ABLIM3: variants seen among roughly 807,000 people sequenced by gnomAD.
The protein encoded by ABLIM3 is actin binding LIM protein family member 3.
Under a neutral mutation model 109.5 loss-of-function variants are expected in ABLIM3, and 61 were observed. The observed-to-expected ratio is 0.56, with a 90% CI of 0.45 to 0.69. The LOEUF (loss-of-function observed/expected upper bound fraction) is 0.69, where lower values mean the gene tolerates loss of function less well. Among genes scored for constraint, ABLIM3 ranks in the 30% least tolerant of loss-of-function variants. ABLIM3 has a pLI of 0.00. For synonymous variants in ABLIM3, 300 were observed against 324.8 expected, an observed-to-expected ratio of 0.92 and a Z score of 0.82; for missense variants, 796 against 889.5, an observed-to-expected ratio of 0.89 and a Z score of 1.34.
In ABLIM3 at chr5:149,200,314, A is replaced by C; in HGVS notation, c.336-2A>C. ...TGAATTTCTCCCTCATCCCACTTGC[A>C]GGAAGCCTTTCCCCATTGGAGACAA... is the stretch of plus-strand genomic sequence containing the variant. On this transcript the variant is annotated splice_acceptor_variant, in intron 4 of 23. Transcript: ENST00000309868. LOFTEE classifies it high-confidence loss of function. 6.2e-7 allele frequency: 1 copy of C among 1,614,052 alleles called. No homozygotes were observed. The highest frequency in any genetic ancestry group is 8.5e-7 in the Non-Finnish European group (1 of 1,179,896).
At chr5:149,155,628 T>A (rs973893809) in intron 2 of ABLIM3, among the ~76,000 whole-genome samples, 2 of 152,304 alleles carry the variant, frequency 1.3e-5, no homozygotes, top group African/African-American at 4.8e-5. Flanking sequence ...GCAGTCTAGA[T>A]GGGCTTACTC....
intron 4 of ABLIM3, chr5:149,199,180 A>G (rs1758270779): frequency 4.4e-6 from 2 of 454,984 alleles, no homozygotes; most frequent in Admixed American, 4.7e-5. Flanking sequence ...AAAAATGAAG[A>G]AAGCTCAGCC....
chr5:149,244,476 A>G (rs1753157956), intron 15 of ABLIM3: 1 of 179,440 alleles, frequency 5.6e-6, no homozygotes, highest in South Asian at 1.5e-4. Context: ...AGGCTTCTAA[A>G]GGGCTAGGAA....
chr5:149,172,652 G>A (rs980610532), intron 2 of ABLIM3, among the ~76,000 whole-genome samples: 4 of 152,214 alleles, frequency 2.6e-5, no homozygotes, highest in Non-Finnish European at 5.9e-5. Context: ...AGCCCCCACA[G>A]ATAGGCCTCC....
chr5:149,209,243 G>A (rs1006273620), intron 6 of ABLIM3, among the ~76,000 whole-genome samples: 1 of 152,204 alleles, frequency 6.6e-6, no homozygotes, highest in South Asian at 2.1e-4. Context: ...CTCCTCTCAA[G>A]GAGGCCCAGC....
chr5:149,194,527 G>A (rs1757773362), intron 3 of ABLIM3, among the ~76,000 whole-genome samples: 1 of 152,206 alleles, frequency 6.6e-6, no homozygotes, highest in African/African-American at 2.4e-5. Context: ...ACTGCAAGTA[G>A]CTCAAATGCC....
At chr5:149,192,296 A>G (rs1757552812) in intron 3 of ABLIM3, among the ~76,000 whole-genome samples, 1 of 152,040 alleles carries the variant, frequency 6.6e-6, no homozygotes, top group African/African-American at 2.4e-5. Flanking sequence ...AGTAAAATCA[A>G]TAAGAAAATT....
intron 5 of ABLIM3, among the ~76,000 whole-genome samples, chr5:149,205,832 A>G (rs1271454239): frequency 2.0e-5 from 3 of 152,160 alleles, no homozygotes; most frequent in Non-Finnish European, 2.9e-5. Flanking sequence ...ACTGACTCAT[A>G]CAAACACTTC....
intron 8 of ABLIM3, chr5:149,217,414 T>C (rs1386259933): frequency 3.8e-6 from 1 of 260,720 alleles, no homozygotes; most frequent in African/African-American, 2.2e-5. Flanking sequence ...AAAGTGTCTA[T>C]AGCATCACAG....
At chr5:149,156,329 G>A (rs555486111) in intron 2 of ABLIM3, among the ~76,000 whole-genome samples, 74 of 152,262 alleles carry the variant, frequency 4.9e-4, no homozygotes, top group Admixed American at 9.8e-4. Flanking sequence ...ACCCCCAAAC[G>A]TCAGGTTCCT....
chr5:149,223,133 T>A (rs539396069), intron 8 of ABLIM3, among the ~76,000 whole-genome samples: 34 of 151,914 alleles, frequency 2.2e-4, no homozygotes, highest in South Asian at 2.1e-3. Context: ...TTTTTTTTTT[T>A]ATTTAGATTT....
In ABLIM3 at chr5:149,259,600, A is replaced by G; in HGVS notation, c.*1196A>G. The stretch of plus-strand genomic sequence containing the variant: ...AGATTCCAAAATGAAGTGTTGGCCA[A>G]CACCGCTCATGGCCATCCTGGATTT... On this transcript the variant is annotated 3_prime_UTR_variant, in exon 24 of 24. Transcript: ENST00000309868. 6.5e-7 allele frequency: 1 copy of G among 1,534,992 alleles called. No homozygotes were observed. Among genetic ancestry groups the G allele is most frequent in the Non-Finnish European group, 8.7e-7 (1 of 1,145,860 alleles).
At chr5:149,168,996 G>A (rs1755091526) in intron 2 of ABLIM3, among the ~76,000 whole-genome samples, 1 of 147,710 alleles carries the variant, frequency 6.8e-6, no homozygotes, top group African/African-American at 2.6e-5. Flanking sequence ...TTCTGAAGCA[G>A]GTGATACCAC....
chr5:149,199,560 A>G (rs1306450501), intron 4 of ABLIM3, among the ~76,000 whole-genome samples: 1 of 152,194 alleles, frequency 6.6e-6, no homozygotes, highest in Non-Finnish European at 1.5e-5. Context: ...TCTTTCTACC[A>G]AAAGCTAGTG....
At chr5:149,197,301 T>C (rs1758067257) in intron 3 of ABLIM3, among the ~76,000 whole-genome samples, 1 of 152,220 alleles carries the variant, frequency 6.6e-6, no homozygotes, top group South Asian at 2.1e-4. Context: ...TTCCTGCCTC[T>C]GTGCTTTGGC....
At chr5:149,210,406 A>G (rs2918282) in intron 6 of ABLIM3, among the ~76,000 whole-genome samples, 66,519 of 152,108 alleles carry the variant, frequency 0.44, 15,109 homozygotes, top group East Asian at 0.65. Context: ...CCCGGCGCAC[A>G]CCAGCAACAA....
chr5:149,143,178 C>A (rs1445094976), intron 2 of ABLIM3, among the ~76,000 whole-genome samples: 7 of 152,054 alleles, frequency 4.6e-5, no homozygotes, highest in African/African-American at 1.2e-4. Context: ...GCCTGACCAA[C>A]ATGATGAAAC....
rs528235713 is a variant in ABLIM3 at position 149,142,252 on chromosome 5, G to A, written c.13+144G>A. 16 of 1,174,948 alleles carry A rather than the reference G, an allele frequency of 1.4e-5. No individual in the cohort carries two copies. In the South Asian group the frequency reaches 1.4e-4, roughly 10 times the overall value. 72.8% of individuals were successfully genotyped at this position (1,174,948 alleles called of 1,614,324 possible). Reference sequence around the variant, plus strand: ...CCCAGGCTCTTTTTTGGTGCTTTCCGTGCTCCTTGGCAGAGGGATAGCTTC... The same window carrying A: ...CCCAGGCTCTTTTTTGGTGCTTTCCATGCTCCTTGGCAGAGGGATAGCTTC... On this transcript the variant is annotated intron_variant, in intron 2 of 23. Coordinates refer to ENST00000309868, the MANE Select transcript of ABLIM3 (RefSeq NM_014945.5).
At chr5:149,197,216 T>A (rs1316068151) in intron 3 of ABLIM3, among the ~76,000 whole-genome samples, 2 of 152,212 alleles carry the variant, frequency 1.3e-5, no homozygotes, top group Non-Finnish European at 2.9e-5. Flanking sequence ...GCACAATCTT[T>A]TCCTGCATTA....
Sources: allele counts gnomAD v4.1 joint callset (sites outside exome capture counted in the v4.1 genomes callset), GRCh38; gene constraint gnomAD v4.1.1; transcripts MANE v1.5; gene names NCBI Gene and HGNC (gene_info 2026-07-23, HGNC 2026-07-21).